Variants in CADM1 observed in about 807,000 individuals in gnomAD.
The protein encoded by CADM1 is cell adhesion molecule 1.
A neutral mutation model predicts 53.1 loss-of-function variants in CADM1; 15 were observed. The observed-to-expected ratio is 0.28, with a 90% CI of 0.19 to 0.44. CADM1 has a LOEUF of 0.44. Ranked by LOEUF, CADM1 falls within the 20% of genes least tolerant of loss-of-function variation. The pLI, the probability that CADM1 is intolerant of heterozygous loss-of-function variation, is 1.00. For synonymous variants in CADM1, 281 were observed against 243.0 expected, an observed-to-expected ratio of 1.16 and a Z score of -1.45; for missense variants, 434 against 611.3, an observed-to-expected ratio of 0.71 and a Z score of 3.06.
At chr11:115,425,856 G>A (rs186923751) in intron 1 of CADM1, among the ~76,000 whole-genome samples, 113 of 152,288 alleles carry the variant, frequency 7.4e-4, no homozygotes, top group Middle Eastern at 3.4e-3. Flanking sequence ...ACTGCTTTAC[G>A]TGACCATGAA....
intron 1 of CADM1, among the ~76,000 whole-genome samples, chr11:115,378,939 C>T (rs1192125821): frequency 6.6e-5 from 10 of 152,148 alleles, no homozygotes; most frequent in Non-Finnish European, 8.8e-5. Flanking sequence ...TGGCACATTA[C>T]GTGAGCTAGC....
intron 1 of CADM1, among the ~76,000 whole-genome samples, chr11:115,317,193 C>T (rs1227147488): frequency 6.6e-6 from 1 of 152,130 alleles, no homozygotes; most frequent in Non-Finnish European, 1.5e-5. Flanking sequence ...CAAGTAAGCC[C>T]AGATACAGAA....
chr11:115,182,878 A>G (rs1161672181), intron 10 of CADM1, among the ~76,000 whole-genome samples: 1 of 152,204 alleles, frequency 6.6e-6, no homozygotes, highest in African/African-American at 2.4e-5. Flanking sequence ...TTCTTTTGGC[A>G]AAAAGCTGAA....
At chr11:115,216,320 T>C (rs1366677751) in intron 6 of CADM1, among the ~76,000 whole-genome samples, 1 of 152,232 alleles carries the variant, frequency 6.6e-6, no homozygotes, top group Non-Finnish European at 1.5e-5. Flanking sequence ...AGGAAACATG[T>C]AATTTACTGT....
At chr11:115,427,468 T>C (rs1427517781) in intron 1 of CADM1, among the ~76,000 whole-genome samples, 4 of 152,156 alleles carry the variant, frequency 2.6e-5, no homozygotes, top group East Asian at 3.9e-4. Context: ...AGGGTTTCTA[T>C]GGATTTTACG....
At chr11:115,276,463 C>T (rs1943446762) in intron 1 of CADM1, among the ~76,000 whole-genome samples, 1 of 152,174 alleles carries the variant, frequency 6.6e-6, no homozygotes, top group Admixed American at 6.5e-5. Context: ...ATGAATGAAA[C>T]AGAGCCAAGT....
intron 1 of CADM1, among the ~76,000 whole-genome samples, chr11:115,316,820 A>G (rs1356423004): frequency 6.6e-6 from 1 of 152,180 alleles, no homozygotes; most frequent in African/African-American, 2.4e-5. Context: ...ATCTTTTACA[A>G]GGAATAAAAC....
At chr11:115,493,912 C>T (rs564358542) in intron 1 of CADM1, among the ~76,000 whole-genome samples, 1 of 152,054 alleles carries the variant, frequency 6.6e-6, no homozygotes, top group African/African-American at 2.4e-5. Context: ...GACTAGAGAC[C>T]ATATCCAATG....
chr11:115,490,591 G>A (rs566701946), intron 1 of CADM1, among the ~76,000 whole-genome samples: 1 of 152,014 alleles, frequency 6.6e-6, no homozygotes, highest in Non-Finnish European at 1.5e-5. Context: ...GTAGAGACAG[G>A]GTTTCACCAT....
At chr11:115,481,863 G>T (rs1326798808) in intron 1 of CADM1, among the ~76,000 whole-genome samples, 1 of 152,080 alleles carries the variant, frequency 6.6e-6, no homozygotes, top group Non-Finnish European at 1.5e-5. Context: ...TTCCACAGCT[G>T]CTCCCTAACT....
chr11:115,347,114 G>A (rs561372423), intron 1 of CADM1, among the ~76,000 whole-genome samples: 12 of 152,160 alleles, frequency 7.9e-5, no homozygotes, highest in African/African-American at 2.6e-4. Context: ...CCAACACAAC[G>A]CTCCAGGATA....
At chr11:115,342,168 C>A (rs928212726) in intron 1 of CADM1, among the ~76,000 whole-genome samples, 1 of 152,110 alleles carries the variant, frequency 6.6e-6, no homozygotes, top group Non-Finnish European at 1.5e-5. Flanking sequence ...TTAAAAATTG[C>A]GACTACATTA....
Position 115,216,973 on chromosome 11 carries a change from C to T in CADM1, c.821+919G>A, listed in dbSNP as rs200286194. On this transcript the variant is annotated intron_variant, in intron 6 of 11. Coordinates refer to ENST00000331581, the MANE Select transcript of CADM1 (RefSeq NM_001301043.2). ...TGAGGGAAAAAACAAAATCATACTACGGGGACAGCAAAGGGAGCTCAATGC... is the reference window on the plus strand; with the variant it reads ...TGAGGGAAAAAACAAAATCATACTATGGGGACAGCAAAGGGAGCTCAATGC... Among the ~76,000 whole-genome samples the T allele has an allele frequency of 7.9e-5, 12 of 152,266 alleles. No individual in the cohort carries two copies. In the East Asian group the frequency reaches 1.4e-3, roughly 17 times the overall value.
Position 115,331,872 on chromosome 11 carries a change from C to CA in CADM1, c.125-91453_125-91452insT, listed in dbSNP as rs1945137866. ...AGATGTAACTAAAATGAAATATAGACCTTTTTTTTTGTTTTTTTGAGTTCA... is the reference window on the plus strand; with the variant it reads ...AGATGTAACTAAAATGAAATATAGACACTTTTTTTTTGTTTTTTTGAGTTCA... On this transcript the variant is annotated intron_variant, in intron 1 of 11. Transcript: ENST00000331581. 6.4e-5 allele frequency among the ~76,000 whole-genome samples: 9 copies of CA among 139,922 alleles called. No individual in the cohort carries two copies. The South Asian group carries it at 2.1e-3, about 32-fold the overall frequency. 91.8% of individuals were successfully genotyped at this position (139,922 alleles called of 152,430 possible).
intron 1 of CADM1, among the ~76,000 whole-genome samples, chr11:115,359,470 C>A (rs957582116): frequency 6.6e-6 from 1 of 151,990 alleles, no homozygotes; most frequent in Non-Finnish European, 1.5e-5. Flanking sequence ...CAGTAACAAC[C>A]TTGATAGAAG....
Position 115,234,893 on chromosome 11 carries a change from CAAAAAAAAAAAAAAAAA to C in CADM1, c.425-3420_425-3404del, listed in dbSNP as rs57197514. Among the ~76,000 whole-genome samples the C allele has an allele frequency of 1.0e-3, 78 of 75,400 alleles. 1 individual carries two copies. The East Asian group carries it at 0.026, about 25-fold the overall frequency. The allele number at this position is 75,400 out of a possible 152,430, so 49.5% of individuals were successfully genotyped here. A position where few individuals can be genotyped will look rare whatever the true frequency, so the allele number is the denominator to read the frequency against. ...GGGCGACACAGGGAGACTCCGTCTC[CAAAAAAAAAAAAAAAAA>C]AAAAAAAAAAATTTGCCCAGTGTAG... On this transcript the variant is annotated intron_variant, in intron 3 of 11. Transcript: ENST00000331581.
chr11:115,405,064 A>G (rs549685016), intron 1 of CADM1, among the ~76,000 whole-genome samples: 2 of 152,206 alleles, frequency 1.3e-5, no homozygotes, highest in East Asian at 1.9e-4. Context: ...GGCTCAAGCA[A>G]TCCTCTCACC....
chr11:115,343,842 G>C (rs6589494), intron 1 of CADM1, among the ~76,000 whole-genome samples: 95,527 of 151,740 alleles, frequency 0.63, 30,219 homozygotes, highest in South Asian at 0.68. Context: ...AAACTTTAAC[G>C]CTTCTGAGTT....
chr11:115,196,009 A>G (rs755862510), intron 9 of CADM1, among the ~76,000 whole-genome samples: 1 of 152,218 alleles, frequency 6.6e-6, no homozygotes, highest in Admixed American at 6.5e-5. Flanking sequence ...TATATATACA[A>G]AATACAATAA....
Sources: allele counts gnomAD v4.1 joint callset (sites outside exome capture counted in the v4.1 genomes callset), GRCh38; gene constraint gnomAD v4.1.1; transcripts MANE v1.5; gene names NCBI Gene and HGNC (gene_info 2026-07-23, HGNC 2026-07-21).